RGS12: variants seen among roughly 807,000 people sequenced by gnomAD.
RGS12 encodes the protein regulator of G protein signaling 12.
RGS12 carries 66 observed loss-of-function variants against 120.1 expected under a neutral mutation model. The ratio of observed to expected loss-of-function variants is 0.55; its 90% CI spans 0.45 to 0.67. RGS12 has a LOEUF of 0.67. RGS12 is among the 30% of genes least tolerant of loss of function. The pLI is 0.00. For missense variants in RGS12, 1,859 were observed against 1,957.7 expected, an observed-to-expected ratio of 0.95 and a Z score of 0.95; for synonymous variants, 827 against 804.7, an observed-to-expected ratio of 1.03 and a Z score of -0.47.
chr4:3,317,347 A>G lies in RGS12; in HGVS notation c.1177A>G (p.Met393Val), dbSNP rs1473763367. ...GTTCATCTCTGTCCTGTACCGAGAC[A>G]TGGGTGAGCTGATTGAGGGCATGCG... ...LQFISVLYRD[M>V]GELIEGMRAR... is the part of the protein sequence containing the mutation. The change falls in exon 2 of 18, where the codon ATG becomes GTG. Residue 393 changes from methionine to valine, a missense_variant. Physicochemically the swap from Met to Val is conservative, Grantham distance 21. Transcript: ENST00000336727. 2 of 1,614,090 alleles carry G rather than the reference A, an allele frequency of 1.2e-6. No individual in the cohort carries two copies. The highest frequency in any genetic ancestry group is 2.2e-5 in the East Asian group (1 of 44,876).
intron 7 of RGS12, 135 bp downstream of exon 7, chr4:3,416,256 C>G: frequency 9.8e-7 from 1 of 1,022,420 alleles, no homozygotes; most frequent in African/African-American, 1.6e-5. Flanking sequence ...GAAACGCAGA[C>G]AGAAAGTGGG....
chr4:3,383,121 T>C (rs572608498), intron 3 of RGS12, among the ~76,000 whole-genome samples: 29 of 152,218 alleles, frequency 1.9e-4, no homozygotes, highest in Non-Finnish European at 3.7e-4. Flanking sequence ...AGGACAACAC[T>C]ACTCCCCGAG....
chr4:3,328,559 A>G (rs772926337), intron 2 of RGS12, among the ~76,000 whole-genome samples: 3 of 152,182 alleles, frequency 2.0e-5, no homozygotes, highest in African/African-American at 4.8e-5. Context: ...ACGGTGATGA[A>G]TACATTTCTC....
intron 3 of RGS12, among the ~76,000 whole-genome samples, chr4:3,360,656 G>A (rs190444732): frequency 6.6e-6 from 1 of 152,238 alleles, no homozygotes; most frequent in East Asian, 1.9e-4. Flanking sequence ...TATTGAGGAG[G>A]CAAAAGCTTT....
chr4:3,432,091 T>G, intron 17 of RGS12: 3 of 985,472 alleles, frequency 3.0e-6, no homozygotes, highest in Non-Finnish European at 3.6e-6. Flanking sequence ...TCCCCCTCCA[T>G]CCGTCTTGGT....
In RGS12 at chr4:3,430,744, TC is replaced by T; in HGVS notation, c.3907del (p.Gln1303SerfsTer38). Reference protein sequence around the residue: ...QKSPSGPFCTPQSPVSLAQEG... With the variant: ...QKSPSGPFCTXQSPVSLAQEG... ...AGTCTCCCAGCGGGCCCTTCTGCACTCCCCAGTCCCCCGTCTCCCTCGCGCA... is the reference window on the plus strand; with the variant it reads ...AGTCTCCCAGCGGGCCCTTCTGCACTCCCAGTCCCCCGTCTCCCTCGCGCA... On this transcript the variant is annotated frameshift_variant, in exon 17 of 18. Coordinates refer to ENST00000336727, the MANE Select transcript of RGS12 (RefSeq NM_001394154.1). LOFTEE classifies it high-confidence loss of function. 1 of 1,602,834 alleles carries T rather than the reference TC, an allele frequency of 6.2e-7. No homozygotes were observed.
In RGS12 at chr4:3,423,660, C is replaced by T; in HGVS notation, c.3234+19C>T. The T allele has an allele frequency of 1.9e-6, 3 of 1,596,258 alleles. No homozygotes were observed. Among genetic ancestry groups the T allele is most frequent in the South Asian group, 1.1e-5 (1 of 90,828 alleles). ...GAGGCTGGTGAGTGTTGCACGGGGC[C>T]CGGGCGTCGTCACCGCAGGCACTGT... On this transcript the variant is annotated intron_variant, in intron 13 of 17. Coordinates refer to ENST00000336727, the MANE Select transcript of RGS12 (RefSeq NM_001394154.1).
At chr4:3,408,101 C>T (rs1671765214) in intron 4 of RGS12, among the ~76,000 whole-genome samples, 1 of 152,208 alleles carries the variant, frequency 6.6e-6, no homozygotes, top group African/African-American at 2.4e-5. Context: ...GTTTGACTCA[C>T]GTGTTCAGCA....
At chr4:3,305,646 A>G (rs910568) in intron 1 of RGS12, among the ~76,000 whole-genome samples, 107,010 of 151,828 alleles carry the variant, frequency 0.7, 39,436 homozygotes, top group African/African-American at 0.93. Context: ...GGAGCCTCAG[A>G]TGTGCCTCAC....
At chr4:3,358,822 T>G (rs1214528816) in intron 3 of RGS12, among the ~76,000 whole-genome samples, 3 of 151,470 alleles carry the variant, frequency 2.0e-5, no homozygotes. Flanking sequence ...GATGTCAGGG[T>G]AATACTGTCA....
intron 3 of RGS12, among the ~76,000 whole-genome samples, chr4:3,375,388 G>C (rs1377738371): frequency 1.9e-5 from 1 of 53,342 alleles, no homozygotes; most frequent in Admixed American, 2.3e-4. Context: ...CTCATCTCCA[G>C]CCTCATCTCC....
At position 3,316,783 on chromosome 4, in the gene RGS12, G is replaced by C; in HGVS notation, c.613G>C (p.Asp205His). The change falls in exon 2 of 18, where the codon GAT (aspartate) becomes CAT (histidine). Residue 205 changes from aspartate (D) to histidine (H), a missense_variant. Around this residue, in one of 3 missense-constraint regions of RGS12, gnomAD observed 967 missense variants for 994.2 expected, o/e 0.97. Coordinates refer to ENST00000336727, the MANE Select transcript of RGS12 (RefSeq NM_001394154.1). ...SKEEISKVIHDDSVFSIGLES... is the reference protein window; with the variant it reads ...SKEEISKVIHHDSVFSIGLES... ...GGAGGAAATATCAAAAGTTATTCATGATGATTCGGTTTTCAGCATTGGACT... is the reference window on the plus strand; with the variant it reads ...GGAGGAAATATCAAAAGTTATTCATCATGATTCGGTTTTCAGCATTGGACT... 6.2e-7 allele frequency: 1 copy of C among 1,614,224 alleles called. No homozygotes were observed. The highest frequency in any genetic ancestry group is 1.3e-5 in the African/African-American group (1 of 75,068).
chr4:3,362,526 GT>G (rs1302729778), intron 3 of RGS12, among the ~76,000 whole-genome samples: 16 of 141,104 alleles, frequency 1.1e-4, no homozygotes, highest in African/African-American at 3.6e-4. Flanking sequence ...GTGTGTGAGG[GT>G]GTGTTGTGAG....
rs547491954 is a variant in RGS12 at position 3,374,273 on chromosome 4, G to A, written c.1999-12143G>A. 2.6e-5 allele frequency among the ~76,000 whole-genome samples: 4 copies of A among 152,242 alleles called. No homozygotes were observed. Among genetic ancestry groups the A allele is most frequent in the Non-Finnish European group, 4.4e-5 (3 of 68,038 alleles). ...CTGGGCCAGCTTGCCTTGGGCTTCTGCAGCAGCGCCCTCCGGGTTCCCCTC... is the reference window on the plus strand; with the variant it reads ...CTGGGCCAGCTTGCCTTGGGCTTCTACAGCAGCGCCCTCCGGGTTCCCCTC... On this transcript the variant is annotated intron_variant, in intron 3 of 17. Transcript: ENST00000336727. This position sits in a 1 kb window ranked among gnomAD's most constrained non-coding sequence, Gnocchi z 6.3.
intron 3 of RGS12, among the ~76,000 whole-genome samples, chr4:3,347,792 T>C (rs1713961534): frequency 6.6e-6 from 1 of 152,218 alleles, no homozygotes; most frequent in Admixed American, 6.5e-5. Flanking sequence ...GTTTAAAATC[T>C]GGTGGAAGTT....
chr4:3,360,452 G>T (rs149732388), intron 3 of RGS12, among the ~76,000 whole-genome samples: 2 of 150,660 alleles, frequency 1.3e-5, no homozygotes, highest in East Asian at 2.0e-4. Flanking sequence ...TTCTTAAGTT[G>T]TAAAACTAAA....
upstream of RGS12, among the ~76,000 whole-genome samples, chr4:3,290,321 C>T (rs1383315521): frequency 1.3e-5 from 2 of 152,202 alleles, no homozygotes; most frequent in African/African-American, 4.8e-5. Flanking sequence ...ACATCTCCAC[C>T]CATCTCCAGA....
rs1400721391 is a variant in RGS12 at position 3,365,935 on chromosome 4, G to A, written c.1999-20481G>A. Among the ~76,000 whole-genome samples, 2 of 152,192 alleles carry A rather than the reference G, an allele frequency of 1.3e-5. No homozygotes were observed. Among genetic ancestry groups the A allele is most frequent in the Non-Finnish European group, 2.9e-5 (2 of 68,044 alleles). On this transcript the variant is annotated intron_variant, in intron 3 of 17. Transcript: ENST00000336727. The surrounding 1 kb of genome is among the most constrained non-coding windows in gnomAD (Gnocchi z 4.0). ...CTACTATGTGCCCGACATTATTTTG[G>A]CTCTGGGGAGGCAGTGGGGAACATG...
chr4:3,361,887 C>T (rs1715599747), intron 3 of RGS12, among the ~76,000 whole-genome samples: 1 of 152,218 alleles, frequency 6.6e-6, no homozygotes, highest in Non-Finnish European at 1.5e-5. Flanking sequence ...GGCCCACGTG[C>T]ATCAGTGCCT....
Sources: gnomAD v4.1 joint callset for allele counts (sites outside exome capture counted in the v4.1 genomes callset) on GRCh38, gnomAD v4.1.1 for gene constraint, gnomAD v4.1.1 regional missense constraint, Gnocchi (gnomAD v3.1) non-coding constraint, MANE v1.5 for transcripts, NCBI Gene and HGNC (gene_info 2026-07-23, HGNC 2026-07-21) for gene names.